CUL5: variants seen among roughly 807,000 people sequenced by gnomAD.
CUL5 encodes the protein cullin-5.
A neutral mutation model predicts 108.8 loss-of-function variants in CUL5; 26 were observed. The ratio of observed to expected loss-of-function variants is 0.24; its 90% CI spans 0.18 to 0.33. CUL5 has a LOEUF of 0.33. Ranked by LOEUF, CUL5 falls within the 10% of genes least tolerant of loss-of-function variation. CUL5 has a pLI of 1.00. For missense variants in CUL5, 524 were observed against 909.2 expected (o/e 0.58, Z 5.45); for synonymous variants, 334 against 298.0 (o/e 1.12, Z -1.25).
chr11:108,102,163 A>T (rs1280810796), intron 18 of CUL5, among the ~76,000 whole-genome samples: 1 of 152,032 alleles, frequency 6.6e-6, no homozygotes, highest in Non-Finnish European at 1.5e-5. Context: ...CTGGGATTAG[A>T]GGTGCTCGCC....
chr11:108,105,497 A>C lies in CUL5; in HGVS notation c.*1113A>C, dbSNP rs1017996191. ...GCAAAATTGTTGCACTCTTAATACG[A>C]GCAGTAAACTTGCCAAATATATGTA... On this transcript the variant is annotated 3_prime_UTR_variant, in exon 19 of 19. Coordinates refer to ENST00000393094, the MANE Select transcript of CUL5 (RefSeq NM_003478.6). 2.0e-5 allele frequency: 3 copies of C among 152,566 alleles called. No homozygotes were observed. Among genetic ancestry groups the C allele is most frequent in the Admixed American group, 1.3e-4 (2 of 15,278 alleles). 9.5% of individuals were successfully genotyped at this position (152,566 alleles called of 1,614,324 possible). A position where few individuals can be genotyped will look rare whatever the true frequency, so the allele number is the denominator to read the frequency against.
chr11:108,077,893 G>A (rs1014166144), intron 10 of CUL5, among the ~76,000 whole-genome samples: 1 of 152,020 alleles, frequency 6.6e-6, no homozygotes, highest in Non-Finnish European at 1.5e-5. Flanking sequence ...AGGTTGCAGT[G>A]AGTGGAGATC....
At chr11:108,085,827 G>C (rs1465186308) in intron 11 of CUL5, among the ~76,000 whole-genome samples, 2 of 152,138 alleles carry the variant, frequency 1.3e-5, no homozygotes, top group Non-Finnish European at 2.9e-5. Flanking sequence ...CTGCTGGCAG[G>C]TGTGGGGTTT....
chr11:108,011,597 A>T (rs75677895), intron 1 of CUL5, among the ~76,000 whole-genome samples: 2 of 147,286 alleles, frequency 1.4e-5, no homozygotes, highest in African/African-American at 2.4e-5. Context: ...CCAATGTCAT[A>T]AAAAAAACCA....
intron 18 of CUL5, among the ~76,000 whole-genome samples, chr11:108,100,228 T>C (rs1239955613): frequency 6.6e-6 from 1 of 152,166 alleles, no homozygotes; most frequent in Admixed American, 6.6e-5. Context: ...TAAAACAGTA[T>C]GGCAAGAAGA....
intron 8 of CUL5, among the ~76,000 whole-genome samples, chr11:108,070,958 TAG>T (rs1863805317): frequency 6.6e-6 from 1 of 152,222 alleles, no homozygotes; most frequent in Non-Finnish European, 1.5e-5. Flanking sequence ...CCAGTCTAAT[TAG>T]AGTTATGTCT....
At chr11:108,032,599 C>T (rs978076767) in intron 1 of CUL5, among the ~76,000 whole-genome samples, 1 of 151,222 alleles carries the variant, frequency 6.6e-6, no homozygotes, top group Non-Finnish European at 1.5e-5. Flanking sequence ...CTCTCTCTCT[C>T]TCTGTTTTTG....
chr11:108,049,796 A>C, intron 3 of CUL5, 94 bp from the exon 4 acceptor site: 3 of 996,316 alleles, frequency 3.0e-6, no homozygotes, highest in Non-Finnish European at 4.4e-6. Context: ...CAATAATTTA[A>C]AAATTATGTA....
At chr11:108,034,135 A>G (rs1030276609) in intron 2 of CUL5, among the ~76,000 whole-genome samples, 3 of 152,194 alleles carry the variant, frequency 2.0e-5, no homozygotes, top group Non-Finnish European at 4.4e-5. Flanking sequence ...ATTACAGTGA[A>G]GGGATCCAAA....
In CUL5 at chr11:108,054,968, G is replaced by T; in HGVS notation, c.780+13G>T. The T allele has an allele frequency of 6.5e-7, 1 of 1,542,514 alleles. No individual in the cohort carries two copies. On this transcript the variant is annotated intron_variant, in intron 7 of 18. Coordinates refer to ENST00000393094, the MANE Select transcript of CUL5 (RefSeq NM_003478.6). ...CTCCGTTGAAGCAGTAAGTAATTTT[G>T]TAATTGTACATTTTATGGGATTATT...
At chr11:108,097,856 A>G (rs1344226825) in intron 17 of CUL5, 102 bp downstream of exon 17, 16 of 634,784 alleles carry the variant, frequency 2.5e-5, no homozygotes, top group African/African-American at 2.2e-4. Context: ...TTAAAACATT[A>G]TATACTGTCA....
chr11:108,101,644 C>G (rs1299096347), intron 18 of CUL5, among the ~76,000 whole-genome samples: 2 of 152,212 alleles, frequency 1.3e-5, no homozygotes, highest in East Asian at 3.9e-4. Context: ...CTTGCTGTCA[C>G]ACTTGGGAAC....
rs1864800897 is a variant in CUL5 at position 108,106,346 on chromosome 11, A to G, written c.*1962A>G. The G allele has an allele frequency of 6.6e-6, 1 of 152,512 alleles. No individual in the cohort carries two copies. Among genetic ancestry groups the G allele is most frequent in the Non-Finnish European group, 1.5e-5 (1 of 67,968 alleles). 9.4% of individuals were successfully genotyped at this position (152,512 alleles called of 1,614,324 possible). A position where few individuals can be genotyped will look rare whatever the true frequency, so the allele number is the denominator to read the frequency against. ...TCTCAGAACTTTTTTGGAACTTCTA[A>G]TTTTGGGTCATTTAATTTAAGAATG... On this transcript the variant is annotated 3_prime_UTR_variant, in exon 19 of 19. Transcript: ENST00000393094.
At chr11:108,103,290 G>A (rs775058357) in intron 18 of CUL5, among the ~76,000 whole-genome samples, 11 of 152,162 alleles carry the variant, frequency 7.2e-5, no homozygotes, top group African/African-American at 1.2e-4. Context: ...ACTGGGCATC[G>A]TGGCTTACAC....
intron 1 of CUL5, among the ~76,000 whole-genome samples, chr11:108,016,193 G>C (rs1277745039): frequency 6.6e-6 from 1 of 152,064 alleles, no homozygotes; most frequent in East Asian, 1.9e-4. Context: ...GGGATTACAG[G>C]AATGAGCAAA....
intron 1 of CUL5, among the ~76,000 whole-genome samples, chr11:108,018,164 G>A (rs1862247849): frequency 6.6e-6 from 1 of 152,172 alleles, no homozygotes. Context: ...AGGTGGCATT[G>A]GAGCTGAGAC....
Position 108,057,858 on chromosome 11 carries a change from A to G in CUL5, c.780+2903A>G, listed in dbSNP as rs569296825. Among the ~76,000 whole-genome samples, 32 of 152,312 alleles carry G rather than the reference A, an allele frequency of 2.1e-4. No homozygotes were observed. In the South Asian group the frequency reaches 4.8e-3, roughly 23 times the overall value. ...TATGTAAGATGTTAATGTTGGGAGA[A>G]GTGAGGTGCTATTTTTCTGCTAACT... On this transcript the variant is annotated intron_variant, in intron 7 of 18. Transcript: ENST00000393094.
chr11:108,067,740 A>G (rs554513355), intron 7 of CUL5, among the ~76,000 whole-genome samples: 2 of 152,108 alleles, frequency 1.3e-5, no homozygotes, highest in South Asian at 2.1e-4. Flanking sequence ...TTTGTTCTCT[A>G]TTAGTTATAT....
At chr11:108,042,245 A>G (rs1862943378) in intron 2 of CUL5, among the ~76,000 whole-genome samples, 3 of 129,754 alleles carry the variant, frequency 2.3e-5, no homozygotes, top group East Asian at 2.3e-4. Context: ...TTTGAGACAG[A>G]GTCTTGCTCT....
Sources: allele counts gnomAD v4.1 joint callset (sites outside exome capture counted in the v4.1 genomes callset), GRCh38; gene constraint gnomAD v4.1.1; transcripts MANE v1.5; gene names NCBI Gene and HGNC (gene_info 2026-07-23, HGNC 2026-07-21).